Variants in KSR2 observed in about 807,000 individuals in gnomAD.
The protein encoded by KSR2 is kinase suppressor of ras 2.
Under a neutral mutation model 107.8 loss-of-function variants are expected in KSR2, and 25 were observed. The ratio of observed to expected loss-of-function variants is 0.23; its 90% CI spans 0.17 to 0.32. The LOEUF (loss-of-function observed/expected upper bound fraction) is 0.32, where lower values mean the gene tolerates loss of function less well. Among genes scored for constraint, KSR2 ranks in the 10% least tolerant of loss-of-function variants. The probability of loss-of-function intolerance (pLI) is 1.00; values close to 1 mark genes in which losing one functional copy is unlikely to be tolerated. For synonymous variants in KSR2, 480 were observed against 507.0 expected (o/e 0.95, Z 0.71); for missense variants, 887 against 1,268.9 (o/e 0.70, Z 4.57).
intron 9 of KSR2, among the ~76,000 whole-genome samples, chr12:117,542,316 T>C (rs1392906342): frequency 6.6e-6 from 1 of 152,204 alleles, no homozygotes; most frequent in African/African-American, 2.4e-5. Context: ...TAAATGGTAG[T>C]AGCTATTATG....
chr12:117,618,382 G>C (rs1394190077), intron 5 of KSR2, among the ~76,000 whole-genome samples: 2 of 151,988 alleles, frequency 1.3e-5, no homozygotes, highest in African/African-American at 4.8e-5. Flanking sequence ...TGACATGCAG[G>C]AAGTTCTATT....
intron 1 of KSR2, among the ~76,000 whole-genome samples, chr12:117,946,032 A>G (rs79644965): frequency 0.017 from 2,645 of 152,302 alleles, 87 homozygotes; most frequent in African/African-American, 0.061. Context: ...GAACTGGAAA[A>G]CAATGAAAAT....
At chr12:117,494,311 C>A (rs975668880) in intron 14 of KSR2, among the ~76,000 whole-genome samples, 16 of 152,290 alleles carry the variant, frequency 1.1e-4, no homozygotes, top group Non-Finnish European at 1.8e-4. Context: ...CTACCTAGAC[C>A]CCATAGGTGT....
intron 4 of KSR2, among the ~76,000 whole-genome samples, chr12:117,753,571 C>A (rs1215479764): frequency 2.0e-5 from 3 of 152,104 alleles, no homozygotes; most frequent in Non-Finnish European, 4.4e-5. Context: ...AACAGAAAAC[C>A]AAATACCGCA....
At chr12:117,568,154 G>T (rs1593001895) in intron 7 of KSR2, among the ~76,000 whole-genome samples, 1 of 149,600 alleles carries the variant, frequency 6.7e-6, no homozygotes, top group Non-Finnish European at 1.5e-5. Flanking sequence ...AAGGGAAGCT[G>T]TAAATGTATT....
intron 5 of KSR2, among the ~76,000 whole-genome samples, chr12:117,645,313 T>C (rs757350302): frequency 1.2e-4 from 18 of 152,198 alleles, no homozygotes; most frequent in Non-Finnish European, 2.6e-4. Flanking sequence ...TTTTAGTACA[T>C]GAACCATCAT....
At chr12:117,895,288 A>G (rs1894477822) in intron 1 of KSR2, among the ~76,000 whole-genome samples, 1 of 152,016 alleles carries the variant, frequency 6.6e-6, no homozygotes, top group Non-Finnish European at 1.5e-5. Context: ...CCACACAAAC[A>G]TTGTGCCCAA....
chr12:117,598,412 A>G (rs1268706578), intron 5 of KSR2, among the ~76,000 whole-genome samples: 1 of 151,998 alleles, frequency 6.6e-6, no homozygotes, highest in Non-Finnish European at 1.5e-5. Flanking sequence ...TTGGTTTTAT[A>G]TTTTTGCAAT....
intron 1 of KSR2, among the ~76,000 whole-genome samples, chr12:117,906,948 A>G (rs1157819260): frequency 2.0e-5 from 3 of 152,034 alleles, no homozygotes; most frequent in South Asian, 4.2e-4. Flanking sequence ...GAACCCAGGG[A>G]GGTGGAGGCT....
intron 9 of KSR2, among the ~76,000 whole-genome samples, chr12:117,544,045 T>G (rs1876681362): frequency 6.6e-6 from 1 of 152,214 alleles, no homozygotes; most frequent in African/African-American, 2.4e-5. Context: ...CTAAACTTGA[T>G]TATATCTGCA....
intron 1 of KSR2, among the ~76,000 whole-genome samples, chr12:117,901,525 A>T (rs1460173876): frequency 1.3e-5 from 2 of 151,876 alleles, no homozygotes; most frequent in Non-Finnish European, 2.9e-5. Context: ...CTGGTCTCGA[A>T]CTCCTGACTT....
chr12:117,597,425 C>G (rs1880711333), intron 5 of KSR2, among the ~76,000 whole-genome samples: 1 of 152,024 alleles, frequency 6.6e-6, no homozygotes, highest in African/African-American at 2.4e-5. Flanking sequence ...TCCAGGTGAG[C>G]CTGAGATATA....
intron 3 of KSR2, among the ~76,000 whole-genome samples, chr12:117,785,414 CAAAAAAAAAAAAAAAA>C (rs374881532): frequency 5.3e-5 from 2 of 37,406 alleles, no homozygotes; most frequent in Non-Finnish European, 6.6e-5. Flanking sequence ...GACTCCATCT[CAAAAAAAAAAAAAAAA>C]AAAAAAAAAA....
chr12:117,756,442 C>A (rs1390388640), intron 4 of KSR2, among the ~76,000 whole-genome samples: 1 of 152,202 alleles, frequency 6.6e-6, no homozygotes, highest in Admixed American at 6.5e-5. Flanking sequence ...AACAGCAAAG[C>A]CTGGATGATA....
intron 4 of KSR2, among the ~76,000 whole-genome samples, chr12:117,749,916 G>T (rs1448699224): frequency 3.9e-5 from 6 of 152,084 alleles, no homozygotes; most frequent in Admixed American, 2.0e-4. Context: ...CAGGATGGGG[G>T]TACTAGGTCA....
intron 4 of KSR2, among the ~76,000 whole-genome samples, chr12:117,693,238 A>T (rs1473474230): frequency 6.6e-6 from 1 of 152,196 alleles, no homozygotes; most frequent in African/African-American, 2.4e-5. Flanking sequence ...AATAAAGACA[A>T]ATGAAAACAC....
intron 4 of KSR2, among the ~76,000 whole-genome samples, chr12:117,703,143 G>T (rs1886391789): frequency 1.3e-5 from 2 of 152,244 alleles, no homozygotes; most frequent in South Asian, 4.1e-4. Context: ...GAGAAAGGCA[G>T]ATGGCTCTGG....
At chr12:117,883,343 T>C (rs1443640036) in intron 1 of KSR2, among the ~76,000 whole-genome samples, 2 of 152,226 alleles carry the variant, frequency 1.3e-5, no homozygotes, top group African/African-American at 4.8e-5. Flanking sequence ...AGATAATGTT[T>C]CTAAAATGCC....
chr12:117,549,426 T>C (rs906536419), intron 9 of KSR2, among the ~76,000 whole-genome samples: 1 of 152,066 alleles, frequency 6.6e-6, no homozygotes, highest in African/African-American at 2.4e-5. Flanking sequence ...AAGATGGTCA[T>C]CGTCTAACTT....
Sources: gnomAD v4.1 joint callset for allele counts (sites outside exome capture counted in the v4.1 genomes callset) on GRCh38, gnomAD v4.1.1 for gene constraint, MANE v1.5 for transcripts, NCBI Gene and HGNC (gene_info 2026-07-23, HGNC 2026-07-21) for gene names.